Variants in SYNJ2BP observed in about 807,000 individuals in gnomAD.
SYNJ2BP encodes synaptojanin-2-binding protein.
A neutral mutation model predicts 16.9 loss-of-function variants in SYNJ2BP; 10 were observed. The ratio of observed to expected loss-of-function variants is 0.59; its 90% CI spans 0.36 to 1.00. The LOEUF is 1.00. Among genes scored for constraint, SYNJ2BP ranks in the 50% least tolerant of loss-of-function variants. The pLI is 0.01. For synonymous variants in SYNJ2BP, 54 were observed against 68.4 expected (o/e 0.79, Z 1.04); for missense variants, 162 against 186.7 (o/e 0.87, Z 0.77).
At chr14:70,381,686 A>AACCT (rs1359450666) in intron 2 of SYNJ2BP, among the ~76,000 whole-genome samples, 1 of 152,220 alleles carries the variant, frequency 6.6e-6, no homozygotes, top group East Asian at 1.9e-4. Context: ...ATCACCTGGG[A>AACCT]ACCTGTTAAA....
At chr14:70,377,391 C>T (rs2140813525) in intron 2 of SYNJ2BP, among the ~76,000 whole-genome samples, 1 of 152,238 alleles carries the variant, frequency 6.6e-6, no homozygotes, top group East Asian at 1.9e-4. Context: ...CACCATAGAC[C>T]CATACTAGCT....
At chr14:70,391,880 C>T (rs147707227) in intron 1 of SYNJ2BP, among the ~76,000 whole-genome samples, 1 of 152,292 alleles carries the variant, frequency 6.6e-6, no homozygotes, top group Non-Finnish European at 1.5e-5. Flanking sequence ...AACATGAGAA[C>T]TCCTGGACTG....
intron 1 of SYNJ2BP, among the ~76,000 whole-genome samples, chr14:70,411,042 T>C (rs925759376): frequency 6.6e-6 from 1 of 152,158 alleles, no homozygotes; most frequent in East Asian, 1.9e-4. Flanking sequence ...ATAAAATATA[T>C]GTTCTTTGAC....
chr14:70,393,345 C>T (rs1341430628), intron 1 of SYNJ2BP, among the ~76,000 whole-genome samples: 1 of 152,196 alleles, frequency 6.6e-6, no homozygotes, highest in African/African-American at 2.4e-5. Flanking sequence ...TGCTTTTACA[C>T]TGTTGGTGGG....
Position 70,367,055 on chromosome 14 carries a change from T to C in SYNJ2BP, c.*5936A>G, listed in dbSNP as rs1367561179. 2 of 152,228 alleles carry C rather than the reference T, an allele frequency of 1.3e-5. No homozygotes were observed. The highest frequency in any genetic ancestry group is 2.9e-5 in the Non-Finnish European group (2 of 68,040). The allele number at this position is 152,228 out of a possible 1,614,324, so 9.4% of individuals were successfully genotyped here. A position where few individuals can be genotyped will look rare whatever the true frequency, so the allele number is the denominator to read the frequency against. On this transcript the variant is annotated 3_prime_UTR_variant, in exon 4 of 4. Transcript: ENST00000256366. ...TTGTAAATTATTGTTGGTTAAGGAT[T>C]GACTTGCATTGACAACACACTTTAG...
At chr14:70,413,913 T>C (rs1252326556) in intron 1 of SYNJ2BP, among the ~76,000 whole-genome samples, 2 of 152,182 alleles carry the variant, frequency 1.3e-5, no homozygotes, top group Non-Finnish European at 2.9e-5. Context: ...TACACAGCTA[T>C]ACAAACACAA....
At chr14:70,388,359 C>T (rs1594948270) in intron 2 of SYNJ2BP, 111 bp downstream of exon 2, 1 of 1,359,326 alleles carries the variant, frequency 7.4e-7, no homozygotes. Context: ...TTCAACTCTA[C>T]AACCTGTATA....
intron 1 of SYNJ2BP, 75 bp from the exon 2 acceptor site, chr14:70,388,681 G>A (rs1355824900): frequency 7.1e-7 from 1 of 1,399,620 alleles, no homozygotes; most frequent in African/African-American, 1.5e-5. Context: ...GAAGAGAAAG[G>A]GAGGGAAAGC....
intron 3 of SYNJ2BP, 146 bp downstream of exon 3, chr14:70,375,530 C>A: frequency 9.7e-7 from 1 of 1,032,706 alleles, no homozygotes; most frequent in South Asian, 2.0e-5. Context: ...GCAGAAGTAC[C>A]AATGGACCCC....
rs1226111189 is a variant in SYNJ2BP at position 70,372,350 on chromosome 14, TTAAGTA to T, written c.*635_*640del. ...CTTGTTCCTACTACATTTGCTCTGT[TTAAGTA>T]TCTCTTTAAATTCTTCAGTTAAGAT... is the stretch of plus-strand genomic sequence containing the variant. On this transcript the variant is annotated 3_prime_UTR_variant, in exon 4 of 4. Coordinates refer to ENST00000256366, the MANE Select transcript of SYNJ2BP (RefSeq NM_018373.3). The T allele has an allele frequency of 6.5e-6, 1 of 152,698 alleles. No individual in the cohort carries two copies. Among genetic ancestry groups the T allele is most frequent in the African/African-American group, 2.4e-5 (1 of 41,452 alleles). The allele number at this position is 152,698 out of a possible 1,614,324, so 9.5% of individuals were successfully genotyped here. A position where few individuals can be genotyped will look rare whatever the true frequency, so the allele number is the denominator to read the frequency against.
At chr14:70,389,058 T>C (rs899913347) in intron 1 of SYNJ2BP, among the ~76,000 whole-genome samples, 2 of 152,052 alleles carry the variant, frequency 1.3e-5, no homozygotes, top group Non-Finnish European at 2.9e-5. Flanking sequence ...CACTATTGCC[T>C]TGGCCTCCCA....
At chr14:70,391,746 G>C (rs1042539332) in intron 1 of SYNJ2BP, among the ~76,000 whole-genome samples, 1 of 152,032 alleles carries the variant, frequency 6.6e-6, no homozygotes, top group Non-Finnish European at 1.5e-5. Flanking sequence ...AAGAGTAGAA[G>C]AAATTTTACC....
intron 3 of SYNJ2BP, among the ~76,000 whole-genome samples, chr14:70,375,110 T>A (rs942225436): frequency 1.3e-5 from 2 of 151,812 alleles, no homozygotes; most frequent in Non-Finnish European, 2.9e-5. Context: ...TTTAATTTGG[T>A]TGTCAAGCTT....
intron 2 of SYNJ2BP, among the ~76,000 whole-genome samples, chr14:70,382,236 G>A (rs148006662): frequency 0.022 from 3,376 of 151,972 alleles, 111 homozygotes; most frequent in African/African-American, 0.076. Context: ...ACTCTGTCTC[G>A]AACAAAACAA....
At chr14:70,384,893 T>C (rs1047150299) in intron 2 of SYNJ2BP, among the ~76,000 whole-genome samples, 10 of 152,196 alleles carry the variant, frequency 6.6e-5, no homozygotes, top group Non-Finnish European at 1.3e-4. Flanking sequence ...TCTCACGTAG[T>C]ATCTTTATAG....
At chr14:70,414,303 G>A (rs1237574862) in intron 1 of SYNJ2BP, among the ~76,000 whole-genome samples, 2 of 152,108 alleles carry the variant, frequency 1.3e-5, no homozygotes, top group African/African-American at 4.8e-5. Context: ...TTAATACATG[G>A]AAATGCTTAT....
intron 1 of SYNJ2BP, among the ~76,000 whole-genome samples, chr14:70,400,817 T>C (rs911704952): frequency 6.6e-6 from 1 of 152,204 alleles, no homozygotes; most frequent in Non-Finnish European, 1.5e-5. Flanking sequence ...AAAAATCTGG[T>C]AAGTTATTTT....
At position 70,416,966 on chromosome 14, in the gene SYNJ2BP, T is replaced by C. The variant is rs1888626659; in HGVS notation, c.-3A>G. On this transcript the variant is annotated 5_prime_UTR_variant, in exon 1 of 4. Transcript: ENST00000256366. ...AAATAATCCACTCTTCCGTTCATGTTTTACAGCTCGTCTGGCTTCCTACTT... is the reference window on the plus strand; with the variant it reads ...AAATAATCCACTCTTCCGTTCATGTCTTACAGCTCGTCTGGCTTCCTACTT... The C allele has an allele frequency of 6.2e-7, 1 of 1,614,062 alleles. No homozygotes were observed. Among genetic ancestry groups the C allele is most frequent in the African/African-American group, 1.3e-5 (1 of 74,922 alleles).
At chr14:70,397,814 C>T (rs370240704) in intron 1 of SYNJ2BP, among the ~76,000 whole-genome samples, 13 of 152,196 alleles carry the variant, frequency 8.5e-5, no homozygotes, top group African/African-American at 2.4e-4. Context: ...CCTCACCATT[C>T]GATGGATCCT....
Sources: allele counts gnomAD v4.1 joint callset (sites outside exome capture counted in the v4.1 genomes callset), GRCh38; gene constraint gnomAD v4.1.1; transcripts MANE v1.5; gene names NCBI Gene and HGNC (gene_info 2026-07-23, HGNC 2026-07-21).